EYA4: variants seen among roughly 807,000 people sequenced by gnomAD.
EYA4 encodes EYA transcriptional coactivator and phosphatase 4.
In EYA4, 31 loss-of-function variants were observed where a neutral mutation model predicts 87.9. The observed-to-expected ratio is 0.35, with a 90% CI of 0.27 to 0.48. The LOEUF is 0.48. Ranked by LOEUF, EYA4 falls within the 20% of genes least tolerant of loss-of-function variation. The probability of loss-of-function intolerance (pLI) is 0.99; values close to 1 mark genes in which losing one functional copy is unlikely to be tolerated. For synonymous variants in EYA4, 263 were observed against 270.6 expected, an observed-to-expected ratio of 0.97 and a Z score of 0.28; for missense variants, 678 against 761.4, an observed-to-expected ratio of 0.89 and a Z score of 1.29.
chr6:133,474,083 A>T (rs1795513649), intron 11 of EYA4, among the ~76,000 whole-genome samples: 1 of 152,034 alleles, frequency 6.6e-6, no homozygotes, highest in East Asian at 1.9e-4. Context: ...TCAATGATGA[A>T]TGTGTGAGGA....
At chr6:133,466,805 T>C (rs1583359920) in intron 10 of EYA4, among the ~76,000 whole-genome samples, 1 of 147,956 alleles carries the variant, frequency 6.8e-6, no homozygotes, top group Non-Finnish European at 1.5e-5. Flanking sequence ...GTTCAGTTAG[T>C]GCATGAGGGG....
Position 133,519,945 on chromosome 6 carries a change from AC to A in EYA4, c.1617-3108del, listed in dbSNP as rs372831817. 2.0e-5 allele frequency among the ~76,000 whole-genome samples: 3 copies of A among 151,996 alleles called. No individual in the cohort carries two copies. In the East Asian group the frequency reaches 5.8e-4, roughly 29 times the overall value. On this transcript the variant is annotated intron_variant, in intron 17 of 19. Transcript: ENST00000355286. ...AAAAAGCCTTTGACAAAATTCAACA[AC>A]CCTTCATGCTAAAAACTCTCAATTG...
chr6:133,501,531 CTGATT>C (rs1798115137), intron 13 of EYA4, among the ~76,000 whole-genome samples: 1 of 152,058 alleles, frequency 6.6e-6, no homozygotes, highest in South Asian at 2.1e-4. Context: ...AATTTCTGTT[CTGATT>C]TGTGACTGAA....
intron 3 of EYA4, among the ~76,000 whole-genome samples, chr6:133,399,437 G>C (rs1788073256): frequency 6.6e-6 from 1 of 151,826 alleles, no homozygotes; most frequent in African/African-American, 2.4e-5. Context: ...GGTGTAGAAA[G>C]GTGGAAAAAG....
At chr6:133,402,954 C>T (rs1280850279) in intron 3 of EYA4, among the ~76,000 whole-genome samples, 2 of 152,176 alleles carry the variant, frequency 1.3e-5, no homozygotes, top group East Asian at 1.9e-4. Context: ...GCCCCTCCAG[C>T]ACCCACTCTA....
At chr6:133,464,066 T>C (rs995247290) in intron 9 of EYA4, among the ~76,000 whole-genome samples, 3 of 152,112 alleles carry the variant, frequency 2.0e-5, no homozygotes, top group Non-Finnish European at 4.4e-5. Context: ...ATAAAACAAG[T>C]AATCAGCTAC....
At chr6:133,342,953 A>G (rs758277765) in intron 2 of EYA4, among the ~76,000 whole-genome samples, 2 of 152,182 alleles carry the variant, frequency 1.3e-5, no homozygotes, top group Non-Finnish European at 2.9e-5. Flanking sequence ...TGATTTTTGT[A>G]CAATTAATTT....
chr6:133,287,318 C>A (rs1019123342), intron 2 of EYA4, among the ~76,000 whole-genome samples: 5 of 152,176 alleles, frequency 3.3e-5, no homozygotes, highest in Admixed American at 2.0e-4. Flanking sequence ...TATAGATAGA[C>A]TAGGTTACAC....
rs1781869493 is a variant in EYA4 at position 133,330,630 on chromosome 6, T to A, written c.34-51762T>A. On this transcript the variant is annotated intron_variant, in intron 2 of 19. Coordinates refer to ENST00000355286, the MANE Select transcript of EYA4 (RefSeq NM_004100.5). Reference sequence around the variant, plus strand: ...GGGGGATAAGAAGCATTAAAATAAATTAAGTAGAATAATTAAAAGCTGTAT... The same window carrying A: ...GGGGGATAAGAAGCATTAAAATAAAATAAGTAGAATAATTAAAAGCTGTAT... Among the ~76,000 whole-genome samples the A allele has an allele frequency of 6.0e-5, 9 of 151,004 alleles. No individual in the cohort carries two copies. The South Asian group carries it at 1.9e-3, about 31-fold the overall frequency.
chr6:133,252,175 C>T (rs9493572), intron 1 of EYA4, among the ~76,000 whole-genome samples: 3,523 of 152,206 alleles, frequency 0.023, 119 homozygotes, highest in African/African-American at 0.078. Context: ...ATTGCCTTTC[C>T]ATTTCTGTGG....
chr6:133,306,669 C>T (rs1047729357), intron 2 of EYA4, among the ~76,000 whole-genome samples: 7 of 152,120 alleles, frequency 4.6e-5, no homozygotes, highest in East Asian at 3.9e-4. Flanking sequence ...TAGATTCTCT[C>T]ATTTGTTTCA....
chr6:133,474,439 A>G (rs1795547452), intron 11 of EYA4, among the ~76,000 whole-genome samples: 1 of 152,130 alleles, frequency 6.6e-6, no homozygotes, highest in African/African-American at 2.4e-5. Context: ...GATGTGACAC[A>G]TTCACATATG....
At chr6:133,387,081 T>C (rs1291174396) in intron 3 of EYA4, among the ~76,000 whole-genome samples, 2 of 152,238 alleles carry the variant, frequency 1.3e-5, no homozygotes, top group African/African-American at 4.8e-5. Flanking sequence ...AGTTTCAGTT[T>C]AATATGTAAT....
chr6:133,438,883 A>G (rs1479809048), intron 3 of EYA4, among the ~76,000 whole-genome samples: 2 of 151,886 alleles, frequency 1.3e-5, no homozygotes, highest in African/African-American at 4.8e-5. Flanking sequence ...TCTACTAAAA[A>G]TACAAAAAAT....
chr6:133,455,275 C>T (rs760824726), intron 5 of EYA4, among the ~76,000 whole-genome samples: 24 of 152,130 alleles, frequency 1.6e-4, no homozygotes, highest in Admixed American at 1.0e-3. Flanking sequence ...AATAATTAGA[C>T]TACTCTTCAG....
At chr6:133,449,906 G>A (rs568274426) in intron 5 of EYA4, among the ~76,000 whole-genome samples, 1 of 152,154 alleles carries the variant, frequency 6.6e-6, no homozygotes, top group South Asian at 2.1e-4. Flanking sequence ...GCAAACTTTT[G>A]GTAACAAAAT....
In EYA4 at chr6:133,445,640, G is replaced by A. The variant is rs144175231; in HGVS notation, c.84-990G>A. ...GTCGCTCCGGCTGGAGTGCAGTGGC[G>A]CAATCTCCACTCACTGCAAGCTCCG... On this transcript the variant is annotated intron_variant, in intron 3 of 19. Coordinates refer to ENST00000355286, the MANE Select transcript of EYA4 (RefSeq NM_004100.5). Among the ~76,000 whole-genome samples, 22 of 150,254 alleles carry A rather than the reference G, an allele frequency of 1.5e-4. No individual in the cohort carries two copies. In the East Asian group the frequency reaches 3.7e-3, roughly 25 times the overall value.
chr6:133,493,391 C>T (rs1266871823), intron 13 of EYA4, among the ~76,000 whole-genome samples: 2 of 152,098 alleles, frequency 1.3e-5, no homozygotes, highest in Non-Finnish European at 2.9e-5. Context: ...TGGAGATCCA[C>T]GTGAAGAAGA....
At chr6:133,394,687 A>C (rs752572279) in intron 3 of EYA4, among the ~76,000 whole-genome samples, 4 of 152,220 alleles carry the variant, frequency 2.6e-5, no homozygotes, top group Admixed American at 1.3e-4. Context: ...GAATATATCG[A>C]AAATGTTTAA....
Sources: allele counts gnomAD v4.1 joint callset (sites outside exome capture counted in the v4.1 genomes callset), GRCh38; gene constraint gnomAD v4.1.1; transcripts MANE v1.5; gene names NCBI Gene and HGNC (gene_info 2026-07-23, HGNC 2026-07-21).